Variants in AGO4 observed in about 807,000 individuals in gnomAD.
The protein encoded by AGO4 is protein argonaute-4.
AGO4 carries 33 observed loss-of-function variants against 104.7 expected under a neutral mutation model. That is an observed-to-expected ratio of 0.32 (90% CI 0.24 to 0.42). The LOEUF (loss-of-function observed/expected upper bound fraction) is 0.42, where lower values mean the gene tolerates loss of function less well. Ranked by LOEUF, AGO4 falls within the 10% of genes least tolerant of loss-of-function variation. AGO4 has a pLI of 1.00. For missense variants in AGO4, 711 were observed against 1,083.4 expected (o/e 0.66, Z 4.83); for synonymous variants, 331 against 364.7 (o/e 0.91, Z 1.05).
intron 13 of AGO4, among the ~76,000 whole-genome samples, chr1:35,837,326 C>T (rs532961788): frequency 9.2e-5 from 14 of 151,668 alleles, no homozygotes; most frequent in Non-Finnish European, 1.8e-4. Context: ...TCAAGTGATC[C>T]GCCTACCTCA....
chr1:35,820,139 T>G (rs1180722590), intron 2 of AGO4, among the ~76,000 whole-genome samples: 2 of 152,134 alleles, frequency 1.3e-5, no homozygotes, highest in African/African-American at 4.8e-5. Flanking sequence ...GGATGGATTA[T>G]CTAATGTTCA....
At chr1:35,815,133 C>G (rs888639252) in intron 1 of AGO4, among the ~76,000 whole-genome samples, 1 of 152,296 alleles carries the variant, frequency 6.6e-6, no homozygotes, top group African/African-American at 2.4e-5. Context: ...CTGCCTTGGC[C>G]TCCCGAAGTG....
chr1:35,833,328 T>G (rs1250207629), intron 11 of AGO4, among the ~76,000 whole-genome samples: 3 of 151,876 alleles, frequency 2.0e-5, no homozygotes, highest in African/African-American at 7.3e-5. Context: ...GAAAAAAAAT[T>G]AAGAAAAGGG....
chr1:35,848,059 CT>C (rs1644615084), intron 15 of AGO4, among the ~76,000 whole-genome samples: 1 of 152,162 alleles, frequency 6.6e-6, no homozygotes. Flanking sequence ...ACCAAAAAAT[CT>C]TCAGGTGTCC....
chr1:35,825,274 T>C (rs762696030), intron 3 of AGO4, 39 bp from the exon 4 acceptor site: 3 of 1,594,862 alleles, frequency 1.9e-6, no homozygotes, highest in Non-Finnish European at 8.6e-7. Flanking sequence ...ACAGCCATTG[T>C]AAACATTTGT....
intron 13 of AGO4, among the ~76,000 whole-genome samples, 161 bp downstream of exon 13, chr1:35,836,154 C>T (rs996275941): frequency 6.6e-6 from 1 of 152,186 alleles, no homozygotes; most frequent in African/African-American, 2.4e-5. Flanking sequence ...ACATTTCCAG[C>T]ACCCCATCAG....
intron 15 of AGO4, among the ~76,000 whole-genome samples, chr1:35,849,026 A>G (rs569122391): frequency 1.3e-5 from 2 of 152,288 alleles, no homozygotes; most frequent in African/African-American, 4.8e-5. Context: ...ACTCCCATCA[A>G]ATTTGTGCCT....
In AGO4 at chr1:35,808,170, TGGCGGCGGCGGC is replaced by T. The variant is rs544199267; in HGVS notation, c.-232_-221del. ...CGCTGGCTCCCGCTCCCGCTCCCGT[TGGCGGCGGCGGC>T]GGCGGCGGCGGCGGGGATTGTTTTT... On this transcript the variant is annotated 5_prime_UTR_variant, in exon 1 of 18. Coordinates refer to ENST00000373210, the MANE Select transcript of AGO4 (RefSeq NM_017629.4). The surrounding 1 kb of genome is among the most constrained non-coding windows in gnomAD (Gnocchi z 5.2). 7.0e-5 allele frequency: 11 copies of T among 157,920 alleles called. No homozygotes were observed. Among genetic ancestry groups the T allele is most frequent in the East Asian group, 1.9e-4 (1 of 5,184 alleles). The allele number at this position is 157,920 out of a possible 1,614,324, so 9.8% of individuals were successfully genotyped here. A position where few individuals can be genotyped will look rare whatever the true frequency, so the allele number is the denominator to read the frequency against.
chr1:35,845,250 G>A, intron 15 of AGO4, among the ~76,000 whole-genome samples: 1 of 111,352 alleles, frequency 9.0e-6, no homozygotes, highest in Non-Finnish European at 1.8e-5. Context: ...TTTTTTTTAA[G>A]ATAGAGTTTC....
In AGO4 at chr1:35,841,095, T is replaced by C. The variant is rs551599010; in HGVS notation, c.1725-70T>C. On this transcript the variant is annotated intron_variant, in intron 13 of 17. Transcript: ENST00000373210. This position sits in a 1 kb window ranked among gnomAD's most constrained non-coding sequence, Gnocchi z 4.7. ...GGTTATATCTGATTATATCTGGTGA[T>C]ATAATCTTGCTAAACTCAAACATTT... 308 of 1,493,798 alleles carry C rather than the reference T, an allele frequency of 2.1e-4. 3 individuals are homozygous for C. In the South Asian group the frequency reaches 3.3e-3, roughly 16 times the overall value. 92.5% of individuals were successfully genotyped at this position (1,493,798 alleles called of 1,614,324 possible). A position where few individuals can be genotyped will look rare whatever the true frequency, so the allele number is the denominator to read the frequency against.
intron 12 of AGO4, 40 bp downstream of exon 12, chr1:35,834,214 G>A (rs929559940): frequency 1.4e-6 from 2 of 1,465,586 alleles, no homozygotes; most frequent in South Asian, 1.5e-5. Context: ...ATGATTTCAA[G>A]CAGTAGATAT....
intron 2 of AGO4, among the ~76,000 whole-genome samples, chr1:35,822,402 C>T (rs939642197): frequency 1.3e-5 from 2 of 151,876 alleles, no homozygotes; most frequent in African/African-American, 2.4e-5. Flanking sequence ...ATTACAGGCA[C>T]GTGCCACCAT....
At chr1:35,848,064 G>A (rs72659696) in intron 15 of AGO4, among the ~76,000 whole-genome samples, 8,546 of 151,878 alleles carry the variant, frequency 0.056, 299 homozygotes, top group South Asian at 0.067. Context: ...AAAATCTTCA[G>A]GTGTCCTTTT....
At chr1:35,848,232 G>T (rs563405592) in intron 15 of AGO4, among the ~76,000 whole-genome samples, 1 of 152,244 alleles carries the variant, frequency 6.6e-6, no homozygotes, top group East Asian at 1.9e-4. Flanking sequence ...TCAGTAATTT[G>T]CCCCTTTTTA....
chr1:35,827,790 C>CTTTTTTTTTTTTTTTTTTTTTTTTTT (rs142432459), intron 7 of AGO4, among the ~76,000 whole-genome samples: 2 of 103,850 alleles, frequency 1.9e-5, no homozygotes, highest in African/African-American at 3.5e-5. Flanking sequence ...TGTTGTTATT[C>CTTTTTTTTTTTTTTTTTTTTTTTTTT]TTTTTTTTTT....
At chr1:35,830,085 A>G (rs1280158302) in intron 7 of AGO4, among the ~76,000 whole-genome samples, 1 of 149,250 alleles carries the variant, frequency 6.7e-6, no homozygotes, top group Non-Finnish European at 1.5e-5. Flanking sequence ...TGGAGGTTTC[A>G]GTAAGCCAAA....
chr1:35,826,678 A>G (rs1329221694), intron 6 of AGO4, 70 bp from the exon 7 acceptor site: 2 of 1,296,802 alleles, frequency 1.5e-6, no homozygotes, highest in Non-Finnish European at 2.2e-6. Context: ...TTTTGAAGAC[A>G]ACATTTGAAT....
intron 13 of AGO4, among the ~76,000 whole-genome samples, chr1:35,839,024 AG>A (rs1244707553): frequency 6.6e-6 from 1 of 152,096 alleles, no homozygotes; most frequent in African/African-American, 2.4e-5. Context: ...TTTGTCACCC[AG>A]GCTGGAGTGC....
intron 1 of AGO4, among the ~76,000 whole-genome samples, chr1:35,811,300 C>A (rs1445002862): frequency 6.6e-6 from 1 of 151,508 alleles, no homozygotes; most frequent in African/African-American, 2.4e-5. Flanking sequence ...GTAGTGAAAC[C>A]CGTCTCTACT....
Sources: gnomAD v4.1 joint callset for allele counts (sites outside exome capture counted in the v4.1 genomes callset) on GRCh38, gnomAD v4.1.1 for gene constraint, Gnocchi (gnomAD v3.1) non-coding constraint, MANE v1.5 for transcripts, NCBI Gene and HGNC (gene_info 2026-07-23, HGNC 2026-07-21) for gene names.